The following TMEM63B variants were observed in gnomAD, a reference collection of about 807,000 sequenced individuals.
TMEM63B encodes transmembrane protein 63B.
In TMEM63B, 23 loss-of-function variants were observed where a neutral mutation model predicts 102.6. That is an observed-to-expected ratio of 0.22 (90% CI 0.16 to 0.32). TMEM63B has a LOEUF of 0.32. TMEM63B is among the 10% of genes least tolerant of loss of function. The pLI, the probability that TMEM63B is intolerant of heterozygous loss-of-function variation, is 1.00. For synonymous variants in TMEM63B, 444 were observed against 437.0 expected (o/e 1.02, Z -0.20); for missense variants, 628 against 1,095.9 (o/e 0.57, Z 6.03).
intron 5 of TMEM63B, 173 bp from the exon 6 acceptor site, chr6:44,138,307 T>C: frequency 1.4e-6 from 1 of 729,516 alleles, no homozygotes; most frequent in Non-Finnish European, 2.4e-6. Context: ...ACCTTCCCTC[T>C]CTCTCTCCCT....
rs1016604911 is a variant in TMEM63B at position 44,152,082 on chromosome 6, C to A, written c.1836+74C>A. 3.2e-5 allele frequency: 48 copies of A among 1,501,298 alleles called. 1 individual carries two copies. The East Asian group carries it at 6.7e-4, about 21-fold the overall frequency. The allele number at this position is 1,501,298 out of a possible 1,614,324, so 93.0% of individuals were successfully genotyped here. On this transcript the variant is annotated intron_variant, in intron 19 of 23. Coordinates refer to ENST00000323267, the MANE Select transcript of TMEM63B (RefSeq NM_018426.3). The surrounding 1 kb of genome is among the most constrained non-coding windows in gnomAD (Gnocchi z 6.4). ...CCAACAAGAAACAGCAGCCATCGCG[C>A]TAGGGTTGAGGGGCACAGGAGGGCT...
intron 5 of TMEM63B, among the ~76,000 whole-genome samples, chr6:44,137,986 C>T (rs547767518): frequency 8.7e-4 from 132 of 152,286 alleles, no homozygotes; most frequent in African/African-American, 3.1e-3. Flanking sequence ...AGGCGTGAGC[C>T]ACCGCACCTG....
At chr6:44,154,470 G>A (rs376790783) in intron 23 of TMEM63B, 25 bp downstream of exon 23, 1 of 1,613,350 alleles carries the variant, frequency 6.2e-7, no homozygotes, top group African/African-American at 1.3e-5. Flanking sequence ...GGGTTGGGAG[G>A]GGCCTCTGAC....
rs982675617 is a variant in TMEM63B, at chr6:44,152,766, A to G, written c.1942+68A>G. 1.6e-5 allele frequency: 22 copies of G among 1,337,710 alleles called. No individual in the cohort carries two copies. Among genetic ancestry groups the G allele is most frequent in the African/African-American group, 1.2e-4 (8 of 69,322 alleles). 82.9% of individuals were successfully genotyped at this position (1,337,710 alleles called of 1,614,324 possible). A position where few individuals can be genotyped will look rare whatever the true frequency, so the allele number is the denominator to read the frequency against. On this transcript the variant is annotated intron_variant, in intron 20 of 23. Transcript: ENST00000323267. The surrounding 1 kb of genome is among the most constrained non-coding windows in gnomAD (Gnocchi z 6.4). ...CCCAGGACTTCACCCTCTCCACTCT[A>G]GGAATGCAGGCCACCCCGAGTGGAC...
intron 1 of TMEM63B, chr6:44,128,008 C>T (rs1297504034): frequency 2.0e-5 from 3 of 151,862 alleles, no homozygotes; most frequent in African/African-American, 7.2e-5. Context: ...GGTGCGCGTC[C>T]CCTGCGCGAC....
intron 10 of TMEM63B, among the ~76,000 whole-genome samples, chr6:44,142,044 C>G (rs879477816): frequency 6.6e-6 from 1 of 151,910 alleles, no homozygotes; most frequent in South Asian, 2.1e-4. Context: ...ATCGCTTGAA[C>G]CCAGGAGGTC....
chr6:44,138,765 C>T (rs1056681686), intron 6 of TMEM63B: 2 of 439,820 alleles, frequency 4.5e-6, no homozygotes, highest in South Asian at 2.4e-5. Context: ...TGCCCTGCCC[C>T]ACCTTGAGGG....
chr6:44,148,985 C>A lies in TMEM63B; in HGVS notation c.1413+40C>A. ...CCCTGTCACTTTCCACGCTGGGTCA[C>A]AACACACAGATACCAGGCCCTGATC... On this transcript the variant is annotated intron_variant, in intron 15 of 23. Transcript: ENST00000323267. This position sits in a 1 kb window ranked among gnomAD's most constrained non-coding sequence, Gnocchi z 5.1. The A allele has an allele frequency of 6.2e-7, 1 of 1,613,860 alleles. No homozygotes were observed. Among genetic ancestry groups the A allele is most frequent in the Non-Finnish European group, 8.5e-7 (1 of 1,179,972 alleles).
In TMEM63B at chr6:44,134,436, G is replaced by T. The variant is rs1332803801; in HGVS notation, c.-24-125G>T. On this transcript the variant is annotated intron_variant, in intron 1 of 23. Coordinates refer to ENST00000323267, the MANE Select transcript of TMEM63B (RefSeq NM_018426.3). ...CCTCCCTAGGCCCTTATCTCCAGAG[G>T]CCAGAGCTTCCATCCACCCAGGCAG... The T allele has an allele frequency of 9.2e-6, 9 of 973,364 alleles. No individual in the cohort carries two copies. The Admixed American group carries it at 2.5e-4, about 27-fold the overall frequency. 60.3% of individuals were successfully genotyped at this position (973,364 alleles called of 1,614,324 possible).
At chr6:44,138,743 C>CACCCCCCCCCCCCCG (rs916985501) in intron 6 of TMEM63B, 1 of 400,948 alleles carries the variant, frequency 2.5e-6, no homozygotes, top group African/African-American at 2.1e-5. Context: ...CCGGCCCCCC[C>CACCCCCCCCCCCCCG]GCTTCTCTCC....
chr6:44,145,136 G>C (rs570046926), intron 10 of TMEM63B, among the ~76,000 whole-genome samples: 1 of 151,494 alleles, frequency 6.6e-6, no homozygotes, highest in Non-Finnish European at 1.5e-5. Context: ...TTAGCCAGGC[G>C]TGGTGGCATG....
intron 4 of TMEM63B, among the ~76,000 whole-genome samples, chr6:44,135,601 C>T (rs536124003): frequency 4.4e-4 from 67 of 152,312 alleles, no homozygotes; most frequent in African/African-American, 1.5e-3. Context: ...GGAGAAGTCC[C>T]TCCCTGTGTG....
In TMEM63B at chr6:44,151,793, G is replaced by A. The variant is rs1181547527; in HGVS notation, c.1674-53G>A. The A allele has an allele frequency of 5.2e-6, 8 of 1,528,136 alleles. No individual in the cohort carries two copies. In the Admixed American group the frequency reaches 1.7e-4, roughly 33 times the overall value. The allele number at this position is 1,528,136 out of a possible 1,614,324, so 94.7% of individuals were successfully genotyped here. ...GTGCTGTAGTTCTGGCAGTGGGCGG[G>A]CGGCCACCGGGTCACCCCAAGGGTG... On this transcript the variant is annotated intron_variant, in intron 18 of 23. Transcript: ENST00000323267.
At position 44,148,889 on chromosome 6, in the gene TMEM63B, A is replaced by T; in HGVS notation, c.1357A>T (p.Ile453Phe). Residue 453 changes from isoleucine to phenylalanine, a missense_variant, in exon 15 of 24, where the codon ATC becomes TTC. Physicochemically the swap from Ile to Phe is conservative, Grantham distance 21. This residue lies in a region of TMEM63B where 61 missense variants were observed against 176.0 expected (regional missense o/e 0.35). Coordinates refer to ENST00000323267, the MANE Select transcript of TMEM63B (RefSeq NM_018426.3). This position sits in a 1 kb window ranked among gnomAD's most constrained non-coding sequence, Gnocchi z 5.1. ...ILLFFLTTPA[I>F]IITTMDKFNV... ...CCTCTTCTTCCTCACCACTCCAGCC[A>T]TCATCATCACCACCATGGACAAGTT... 6.2e-7 allele frequency: 1 copy of T among 1,613,916 alleles called. No individual in the cohort carries two copies. Among genetic ancestry groups the T allele is most frequent in the Non-Finnish European group, 8.5e-7 (1 of 1,179,978 alleles).
rs746514378 is a variant in TMEM63B at position 44,147,386 on chromosome 6, C to G, written c.873C>G (p.Ala291=). 3.7e-6 allele frequency: 6 copies of G among 1,614,022 alleles called. No homozygotes were observed. In the East Asian group the frequency reaches 1.3e-4, roughly 36 times the overall value. The change falls in exon 12 of 24, where the codon GCC becomes GCG. Residue 291 remains alanine (A), a synonymous_variant. Transcript: ENST00000323267. ...CATCTGGGTCCCACAGGAAGAAGGC[C>G]GAGCGGGGAAAGCTGTACTTCACAA... The part of the protein sequence containing the change: ...LMFLDAERKK[A]ERGKLYFTNL...
chr6:44,150,292 C>G lies in TMEM63B; in HGVS notation c.1589C>G (p.Pro530Arg). 6.2e-7 allele frequency: 1 copy of G among 1,614,074 alleles called. No individual in the cohort carries two copies. The highest frequency in any genetic ancestry group is 8.5e-7 in the Non-Finnish European group (1 of 1,180,028). The change falls in exon 17 of 24, where the codon CCC becomes CGC. Residue 530 changes from proline to arginine, a missense_variant. Pro to Arg is a moderately radical substitution (Grantham distance 103). This residue lies in a region of TMEM63B where 61 missense variants were observed against 176.0 expected (regional missense o/e 0.35). Transcript: ENST00000323267. This position sits in a 1 kb window ranked among gnomAD's most constrained non-coding sequence, Gnocchi z 4.7. ...CTCATCTTCATGGTGCTGCTCCTAC[C>G]CTCGCTGGGACTGAGCAGGTGAGTT... ...TFLIFMVLLL[P>R]SLGLSSLDLF...
chr6:44,140,215 C>T (rs1220287080), intron 8 of TMEM63B, 37 bp from the exon 9 acceptor site: 1 of 1,544,166 alleles, frequency 6.5e-7, no homozygotes, highest in East Asian at 2.2e-5. Context: ...GTGTCCTAGC[C>T]CCAGTGGCTC....
intron 10 of TMEM63B, among the ~76,000 whole-genome samples, chr6:44,146,553 C>A (rs1345891578): frequency 6.6e-6 from 1 of 151,942 alleles, no homozygotes; most frequent in Non-Finnish European, 1.5e-5. Flanking sequence ...CGGGTTCGAG[C>A]AATTCTTCTG....
chr6:44,140,493 A>G (rs536695742), intron 9 of TMEM63B, 133 bp downstream of exon 9: 3 of 735,742 alleles, frequency 4.1e-6, no homozygotes, highest in African/African-American at 1.7e-5. Context: ...AGGAGCTCCC[A>G]TCCTGCAAGT....
Sources: allele counts gnomAD v4.1 joint callset (sites outside exome capture counted in the v4.1 genomes callset), GRCh38; gene constraint gnomAD v4.1.1; regional missense constraint gnomAD v4.1.1; non-coding constraint Gnocchi (gnomAD v3.1); transcripts MANE v1.5; gene names NCBI Gene and HGNC (gene_info 2026-07-23, HGNC 2026-07-21).